Variants in WHRN observed in about 807,000 individuals in gnomAD.
WHRN encodes the protein CASK-interacting protein CIP98.
WHRN carries 41 observed loss-of-function variants against 68.3 expected under a neutral mutation model. The observed-to-expected ratio is 0.60, with a 90% CI of 0.47 to 0.78. The LOEUF is 0.78. WHRN is among the 30% of genes least tolerant of loss of function. WHRN has a pLI of 0.00. For synonymous variants in WHRN, 560 were observed against 561.3 expected (o/e 1.00, Z 0.03); for missense variants, 1,243 against 1,244.7 (o/e 1.00, Z 0.02).
intron 3 of WHRN, among the ~76,000 whole-genome samples, chr9:114,440,787 A>G (rs1374736634): frequency 6.6e-6 from 1 of 152,224 alleles, no homozygotes; most frequent in African/African-American, 2.4e-5. Flanking sequence ...TCATCTCTGC[A>G]TGAGCAGTCT....
intron 10 of WHRN, 106 bp downstream of exon 10, chr9:114,403,790 C>A: frequency 7.2e-7 from 1 of 1,395,604 alleles, no homozygotes. Flanking sequence ...TCACTACCTC[C>A]CTTTGTGGTC....
intron 1 of WHRN, among the ~76,000 whole-genome samples, chr9:114,483,434 A>G (rs1050417855): frequency 6.6e-6 from 1 of 152,192 alleles, no homozygotes; most frequent in Non-Finnish European, 1.5e-5. Flanking sequence ...AACGGGCATC[A>G]TTCAACAGGA....
chr9:114,406,273 C>A (rs891491811), intron 9 of WHRN, 82 bp downstream of exon 9: 21 of 1,590,706 alleles, frequency 1.3e-5, no homozygotes, highest in Non-Finnish European at 1.5e-5. Flanking sequence ...CTGGTCCCCC[C>A]CTTCACTGTG....
intron 1 of WHRN, among the ~76,000 whole-genome samples, chr9:114,488,694 G>C (rs1333892321): frequency 6.6e-6 from 1 of 152,248 alleles, no homozygotes; most frequent in Non-Finnish European, 1.5e-5. Flanking sequence ...AGGGAGGACA[G>C]AAATTGGTGA....
At chr9:114,478,370 T>C (rs767988789) in intron 2 of WHRN, 183 bp downstream of exon 2, 41 of 733,632 alleles carry the variant, frequency 5.6e-5, no homozygotes, top group Non-Finnish European at 8.0e-5. Context: ...TATTATAACA[T>C]ACACTACACA....
Position 114,504,908 on chromosome 9 carries a change from C to CG in WHRN, c.-108dup. 1 of 1,317,388 alleles carries CG rather than the reference C, an allele frequency of 7.6e-7. No homozygotes were observed. The highest frequency in any genetic ancestry group is 2.2e-5 in the South Asian group (1 of 46,428). 81.6% of individuals were successfully genotyped at this position (1,317,388 alleles called of 1,614,324 possible). On this transcript the variant is annotated 5_prime_UTR_variant, in exon 1 of 12. Coordinates refer to ENST00000362057, the MANE Select transcript of WHRN (RefSeq NM_015404.4). ...TGGATCCCCGGGAGCGCGGAGACGACGGCTGGAGCCTGGGTTTGGGGAGCA... is the reference window on the plus strand; with the variant it reads ...TGGATCCCCGGGAGCGCGGAGACGACGGGCTGGAGCCTGGGTTTGGGGAGCA...
Position 114,425,019 on chromosome 9 carries a change from A to G in WHRN, c.1172T>C (p.Leu391Pro). The change falls in exon 5 of 12, where the codon CTT (leucine) becomes CCT (proline). Residue 391 changes from leucine (L) to proline (P), a missense_variant. Physicochemically the swap from Leu to Pro is moderately conservative, Grantham distance 98 (BLOSUM62 -3). Transcript: ENST00000362057. The part of the protein sequence containing the change: ...RETMANSAGF[L>P]GDLTTEGINK... ...TATTCCTTCTGTTGTGAGATCGCCA[A>G]GAAACCTGTGGGGAAAGACACACAT... 1 of 1,614,218 alleles carries G rather than the reference A, an allele frequency of 6.2e-7. No individual in the cohort carries two copies. The highest frequency in any genetic ancestry group is 8.5e-7 in the Non-Finnish European group (1 of 1,180,030).
chr9:114,492,859 T>C (rs533296649), intron 1 of WHRN, among the ~76,000 whole-genome samples: 16 of 151,626 alleles, frequency 1.1e-4, no homozygotes, highest in South Asian at 4.2e-4. Flanking sequence ...CACAAATATA[T>C]ATACACACCA....
At chr9:114,477,829 T>C (rs1434814609) in intron 2 of WHRN, among the ~76,000 whole-genome samples, 1 of 152,194 alleles carries the variant, frequency 6.6e-6, no homozygotes, top group African/African-American at 2.4e-5. Flanking sequence ...CAAGATTCCC[T>C]GTGGAGCAGC....
intron 1 of WHRN, among the ~76,000 whole-genome samples, chr9:114,487,673 G>A (rs1842655770): frequency 6.9e-6 from 1 of 144,582 alleles, no homozygotes; most frequent in East Asian, 2.0e-4. Context: ...AATTCCTGAA[G>A]CCATAGGCAG....
At chr9:114,411,474 G>A (rs1293390771) in intron 7 of WHRN, among the ~76,000 whole-genome samples, 1 of 152,174 alleles carries the variant, frequency 6.6e-6, no homozygotes, top group Non-Finnish European at 1.5e-5. Flanking sequence ...GGGGAAGCTG[G>A]GGTTGGACTC....
At chr9:114,489,891 T>C (rs1564223709) in intron 1 of WHRN, among the ~76,000 whole-genome samples, 2 of 132,828 alleles carry the variant, frequency 1.5e-5, no homozygotes, top group Admixed American at 7.6e-5. Flanking sequence ...AGCTACTGAG[T>C]TTGGTCTAAG....
intron 7 of WHRN, among the ~76,000 whole-genome samples, chr9:114,415,168 A>T (rs935235646): frequency 6.6e-6 from 1 of 152,012 alleles, no homozygotes; most frequent in Non-Finnish European, 1.5e-5. Flanking sequence ...GCATGGGAGC[A>T]TGTGCGCCTG....
chr9:114,423,220 T>G, intron 7 of WHRN, 94 bp downstream of exon 7: 3 of 1,313,986 alleles, frequency 2.3e-6, no homozygotes, highest in Non-Finnish European at 3.3e-6. Context: ...TAAGTGGTGG[T>G]GCTGGGATTC....
At chr9:114,473,575 C>T (rs1216987877) in intron 2 of WHRN, among the ~76,000 whole-genome samples, 1 of 152,192 alleles carries the variant, frequency 6.6e-6, no homozygotes, top group African/African-American at 2.4e-5. Flanking sequence ...ACTTGCCTGC[C>T]AGTCAAATGA....
intron 1 of WHRN, among the ~76,000 whole-genome samples, chr9:114,485,089 A>G (rs1024713932): frequency 6.6e-6 from 1 of 152,226 alleles, no homozygotes; most frequent in African/African-American, 2.4e-5. Flanking sequence ...GTATTCCAAA[A>G]AAGTCTCAAG....
intron 1 of WHRN, among the ~76,000 whole-genome samples, chr9:114,492,375 C>T (rs537592746): frequency 8.5e-5 from 13 of 152,238 alleles, no homozygotes; most frequent in African/African-American, 2.9e-4. Flanking sequence ...AACAAACTGT[C>T]TAACAAGAAG....
intron 1 of WHRN, among the ~76,000 whole-genome samples, chr9:114,494,848 T>C (rs1234453412): frequency 6.9e-6 from 1 of 145,880 alleles, no homozygotes; most frequent in Non-Finnish European, 1.5e-5. Flanking sequence ...GTTATTATCA[T>C]ACAATGAGCA....
At chr9:114,502,222 A>G (rs1365993041) in intron 1 of WHRN, among the ~76,000 whole-genome samples, 1 of 152,160 alleles carries the variant, frequency 6.6e-6, no homozygotes, top group African/African-American at 2.4e-5. Context: ...CATTTTGCCA[A>G]TGTAGCCACC....
Sources: gnomAD v4.1 joint callset for allele counts (sites outside exome capture counted in the v4.1 genomes callset) on GRCh38, gnomAD v4.1.1 for gene constraint, MANE v1.5 for transcripts, NCBI Gene and HGNC (gene_info 2026-07-23, HGNC 2026-07-21) for gene names.